The following PRKCE variants were observed in gnomAD, a reference collection of about 807,000 sequenced individuals.
The protein encoded by PRKCE is protein kinase C epsilon.
PRKCE carries 16 observed loss-of-function variants against 85.4 expected under a neutral mutation model. The ratio of observed to expected loss-of-function variants is 0.19; its 90% CI spans 0.13 to 0.28. The LOEUF (loss-of-function observed/expected upper bound fraction) is 0.28, where lower values mean the gene tolerates loss of function less well. Among genes scored for constraint, PRKCE ranks in the 10% least tolerant of loss-of-function variants. PRKCE has a pLI of 1.00. For missense variants in PRKCE, 573 were observed against 975.2 expected (o/e 0.59, Z 5.49); for synonymous variants, 388 against 371.5 (o/e 1.04, Z -0.51).
At chr2:46,100,856 TTTCTCTTCTC>T (rs146774630) in intron 11 of PRKCE, among the ~76,000 whole-genome samples, 40,401 of 151,244 alleles carry the variant, frequency 0.27, 5,578 homozygotes, top group South Asian at 0.41. Flanking sequence ...CCTTTTCTTT[TTTCTCTTCTC>T]TTCTCTTCTC....
intron 2 of PRKCE, among the ~76,000 whole-genome samples, chr2:45,850,682 A>C (rs965345217): frequency 2.6e-5 from 4 of 152,148 alleles, no homozygotes. Context: ...AAGCAAGTGC[A>C]TTCACCATTT....
chr2:45,782,770 TACAC>T (rs967138986), intron 1 of PRKCE, among the ~76,000 whole-genome samples: 1 of 151,420 alleles, frequency 6.6e-6, no homozygotes, highest in East Asian at 1.9e-4. Flanking sequence ...TACACACACA[TACAC>T]ACACACACTC....
At chr2:45,685,544 C>T in intron 1 of PRKCE, 1 of 151,994 alleles carries the variant, frequency 6.6e-6, no homozygotes, top group South Asian at 2.1e-4. Flanking sequence ...AATCCCGGCA[C>T]TTTGGGAGGC....
chr2:45,830,811 A>G (rs1558724647), intron 1 of PRKCE, among the ~76,000 whole-genome samples: 1 of 152,256 alleles, frequency 6.6e-6, no homozygotes, highest in Non-Finnish European at 1.5e-5. Context: ...ATAGATTATG[A>G]TCTTTTTAAA....
chr2:45,991,829 C>T (rs1274820603), intron 6 of PRKCE, among the ~76,000 whole-genome samples: 1 of 152,112 alleles, frequency 6.6e-6, no homozygotes, highest in Admixed American at 6.6e-5. Flanking sequence ...ACTGCTTTAC[C>T]TTCCTTTTCA....
intron 10 of PRKCE, among the ~76,000 whole-genome samples, chr2:46,016,596 T>C (rs1706171493): frequency 2.6e-5 from 4 of 152,236 alleles, no homozygotes; most frequent in Middle Eastern, 6.8e-3. Flanking sequence ...TACATTTGAA[T>C]AGGACCTTTG....
At chr2:46,019,304 G>A (rs529461277) in intron 10 of PRKCE, among the ~76,000 whole-genome samples, 37 of 152,106 alleles carry the variant, frequency 2.4e-4, no homozygotes, top group East Asian at 1.9e-3. Context: ...TATGCACATC[G>A]GGAGAATTGG....
At chr2:45,884,947 T>A (rs1356544990) in intron 2 of PRKCE, among the ~76,000 whole-genome samples, 1 of 127,178 alleles carries the variant, frequency 7.9e-6, no homozygotes, top group Non-Finnish European at 1.6e-5. Context: ...ATCTGTTATA[T>A]GTGATCCATA....
At chr2:45,674,738 G>C (rs1317131519) in intron 1 of PRKCE, 1 of 152,282 alleles carries the variant, frequency 6.6e-6, no homozygotes, top group African/African-American at 2.4e-5. Context: ...AAATGGAAAA[G>C]AGAAGATGCT....
intron 1 of PRKCE, among the ~76,000 whole-genome samples, chr2:45,755,830 G>A (rs1198210988): frequency 6.6e-6 from 1 of 152,194 alleles, no homozygotes; most frequent in African/African-American, 2.4e-5. Flanking sequence ...GGGCTGTCAA[G>A]TTCAGAGGAG....
At chr2:45,788,763 G>C (rs558003023) in intron 1 of PRKCE, among the ~76,000 whole-genome samples, 1 of 152,260 alleles carries the variant, frequency 6.6e-6, no homozygotes, top group East Asian at 1.9e-4. Context: ...CTTACTTTCT[G>C]TCTAAAGTAG....
intron 1 of PRKCE, among the ~76,000 whole-genome samples, chr2:45,837,106 G>C (rs933874922): frequency 6.6e-6 from 1 of 152,224 alleles, no homozygotes; most frequent in Non-Finnish European, 1.5e-5. Flanking sequence ...TGTGGATCAC[G>C]GGGGGCTGAC....
chr2:45,782,796 C>G (rs761939340), intron 1 of PRKCE, among the ~76,000 whole-genome samples: 1 of 151,952 alleles, frequency 6.6e-6, no homozygotes. Context: ...CACACACACA[C>G]CCAGAAAAGG....
intron 11 of PRKCE, among the ~76,000 whole-genome samples, chr2:46,134,351 C>G (rs1674752648): frequency 6.6e-6 from 1 of 152,142 alleles, no homozygotes. Context: ...GGCCTTCTAG[C>G]CTTTTCCATC....
At chr2:45,865,841 G>A (rs1476915952) in intron 2 of PRKCE, among the ~76,000 whole-genome samples, 7 of 133,062 alleles carry the variant, frequency 5.3e-5, no homozygotes, top group African/African-American at 1.7e-4. Flanking sequence ...TTTTTGAGAC[G>A]AGTTCTCACT....
Position 45,691,220 on chromosome 2 carries a change from G to A in PRKCE, c.348+38772G>A, listed in dbSNP as rs117183769. 3.2e-4 allele frequency among the ~76,000 whole-genome samples: 48 copies of A among 152,318 alleles called. No individual in the cohort carries two copies. In the East Asian group the frequency reaches 8.3e-3, roughly 26 times the overall value. On this transcript the variant is annotated intron_variant, in intron 1 of 14. Transcript: ENST00000306156. ...CAATCTGTGCAAGGAAGAATGAGCCGTTTGCATTTCCGTGGCAGGAATAGT... is the reference window on the plus strand; with the variant it reads ...CAATCTGTGCAAGGAAGAATGAGCCATTTGCATTTCCGTGGCAGGAATAGT...
At chr2:45,846,056 G>A (rs2105511132) in intron 2 of PRKCE, among the ~76,000 whole-genome samples, 1 of 152,182 alleles carries the variant, frequency 6.6e-6, no homozygotes, top group East Asian at 1.9e-4. Flanking sequence ...TGCTCTTATG[G>A]GAAGCTCCAG....
chr2:45,898,558 C>T (rs1163243456), intron 2 of PRKCE, among the ~76,000 whole-genome samples: 3 of 152,138 alleles, frequency 2.0e-5, no homozygotes, highest in Non-Finnish European at 4.4e-5. Flanking sequence ...GTCAGATGTC[C>T]CCTGGGCTTT....
At chr2:46,174,216 G>T (rs1405257761) in intron 14 of PRKCE, among the ~76,000 whole-genome samples, 1 of 152,228 alleles carries the variant, frequency 6.6e-6, no homozygotes, top group Admixed American at 6.5e-5. Context: ...CGACTACAGG[G>T]GCCACCTAGC....
Sources: allele counts gnomAD v4.1 joint callset (sites outside exome capture counted in the v4.1 genomes callset), GRCh38; gene constraint gnomAD v4.1.1; transcripts MANE v1.5; gene names NCBI Gene and HGNC (gene_info 2026-07-23, HGNC 2026-07-21).